SNTG1: variants seen among roughly 807,000 people sequenced by gnomAD.
The protein encoded by SNTG1 is syntrophin gamma 1.
A neutral mutation model predicts 74.7 loss-of-function variants in SNTG1; 39 were observed. That is an observed-to-expected ratio of 0.52 (90% CI 0.40 to 0.68). The LOEUF is 0.68. Ranked by LOEUF, SNTG1 falls within the 30% of genes least tolerant of loss-of-function variation. The pLI, the probability that SNTG1 is intolerant of heterozygous loss-of-function variation, is 0.00. For missense variants in SNTG1, 685 were observed against 609.5 expected (o/e 1.12, Z -1.30); for synonymous variants, 254 against 217.1 (o/e 1.17, Z -1.49).
At chr8:50,660,212 AAAGAAAAG>A (rs918117633) in intron 15 of SNTG1, among the ~76,000 whole-genome samples, 6 of 151,128 alleles carry the variant, frequency 4.0e-5, no homozygotes, top group Admixed American at 1.3e-4. Flanking sequence ...AAAAGAAGGA[AAAGAAAAG>A]AAGAAAAGAA....
At chr8:50,771,022 A>G (rs2095625802) in intron 18 of SNTG1, among the ~76,000 whole-genome samples, 1 of 152,148 alleles carries the variant, frequency 6.6e-6, no homozygotes, top group South Asian at 2.1e-4. Context: ...AGTCTCAAGT[A>G]TGCTGTTATA....
chr8:50,665,167 C>T (rs943109081), intron 15 of SNTG1, among the ~76,000 whole-genome samples: 1 of 151,870 alleles, frequency 6.6e-6, no homozygotes, highest in African/African-American at 2.4e-5. Context: ...AAGGAGAAAA[C>T]ATGCTTGGCA....
intron 2 of SNTG1, among the ~76,000 whole-genome samples, chr8:50,378,489 T>C (rs1473769535): frequency 6.6e-6 from 1 of 152,086 alleles, no homozygotes; most frequent in Non-Finnish European, 1.5e-5. Context: ...TGATAGATCC[T>C]GAGTTCTTGT....
intron 13 of SNTG1, among the ~76,000 whole-genome samples, chr8:50,623,619 C>A (rs1210024966): frequency 6.6e-6 from 1 of 152,106 alleles, no homozygotes; most frequent in East Asian, 1.9e-4. Flanking sequence ...TTCTTCACAT[C>A]AATTTTAACA....
intron 2 of SNTG1, among the ~76,000 whole-genome samples, chr8:50,380,053 C>T (rs1294481469): frequency 6.6e-6 from 1 of 152,210 alleles, no homozygotes. Flanking sequence ...ATTTTGAAAT[C>T]ACCTCGGGAC....
chr8:50,392,738 A>G (rs746759323), intron 2 of SNTG1, among the ~76,000 whole-genome samples: 2 of 152,196 alleles, frequency 1.3e-5, no homozygotes, highest in Non-Finnish European at 2.9e-5. Flanking sequence ...GAAGATTAGA[A>G]TTGAAAAAAG....
chr8:50,300,715 T>A (rs1380034351), intron 2 of SNTG1, among the ~76,000 whole-genome samples: 2 of 152,152 alleles, frequency 1.3e-5, no homozygotes, highest in Non-Finnish European at 2.9e-5. Flanking sequence ...TGGTACCATT[T>A]CCTTTTAGCC....
chr8:50,626,938 AT>A (rs931103584), intron 13 of SNTG1, among the ~76,000 whole-genome samples: 6 of 152,146 alleles, frequency 3.9e-5, no homozygotes, highest in African/African-American at 1.4e-4. Context: ...TGTGGAAAAA[AT>A]ATATATATAT....
At chr8:49,964,119 CAT>C (rs1810936157) in intron 1 of SNTG1, among the ~76,000 whole-genome samples, 1 of 152,156 alleles carries the variant, frequency 6.6e-6, no homozygotes, top group African/African-American at 2.4e-5. Flanking sequence ...TTTGGTTAAA[CAT>C]TATTCTAGAT....
At chr8:50,632,690 C>T (rs2095009913) in intron 13 of SNTG1, among the ~76,000 whole-genome samples, 1 of 152,094 alleles carries the variant, frequency 6.6e-6, no homozygotes, top group Non-Finnish European at 1.5e-5. Context: ...ATAAGTAAAA[C>T]AAGTAAATCA....
At chr8:50,022,389 G>C (rs964736136) in intron 1 of SNTG1, among the ~76,000 whole-genome samples, 18 of 152,210 alleles carry the variant, frequency 1.2e-4, no homozygotes, top group Non-Finnish European at 2.2e-4. Flanking sequence ...CTAGACTGGA[G>C]TCCGATGCTG....
At chr8:50,701,727 CTTCTTT>C (rs1403803132) in intron 15 of SNTG1, among the ~76,000 whole-genome samples, 22 of 112,704 alleles carry the variant, frequency 2.0e-4, no homozygotes, top group South Asian at 1.2e-3. Flanking sequence ...TCTTTTTCTT[CTTCTTT>C]TTCTTTTTCT....
intron 12 of SNTG1, among the ~76,000 whole-genome samples, chr8:50,576,290 A>G (rs1205171201): frequency 6.6e-6 from 1 of 152,154 alleles, no homozygotes; most frequent in East Asian, 1.9e-4. Flanking sequence ...ATTTGAACAT[A>G]TATGAGGGCT....
At chr8:50,242,367 A>G (rs2086200930) in intron 2 of SNTG1, among the ~76,000 whole-genome samples, 1 of 151,716 alleles carries the variant, frequency 6.6e-6, no homozygotes, top group Non-Finnish European at 1.5e-5. Context: ...CATCTCTACT[A>G]ACATAGAAAA....
At chr8:50,109,666 G>C (rs2080506920) in intron 1 of SNTG1, among the ~76,000 whole-genome samples, 3 of 152,176 alleles carry the variant, frequency 2.0e-5, no homozygotes, top group Admixed American at 6.6e-5. Context: ...TTATCAGGAA[G>C]GGGGAGATCC....
chr8:50,552,567 G>T (rs1200255644), intron 11 of SNTG1, among the ~76,000 whole-genome samples: 1 of 152,126 alleles, frequency 6.6e-6, no homozygotes, highest in Non-Finnish European at 1.5e-5. Context: ...GGAGAACAAT[G>T]GACAAAGTGC....
intron 1 of SNTG1, among the ~76,000 whole-genome samples, chr8:49,969,387 CTTTTTTTT>C (rs575026898): frequency 2.1e-4 from 10 of 47,192 alleles, no homozygotes; most frequent in Non-Finnish European, 3.5e-4. Flanking sequence ...TTCATTTAAT[CTTTTTTTT>C]TTTTTTTTTT....
In SNTG1 at chr8:50,105,661, C is replaced by T. The variant is rs182290099; in HGVS notation, c.-102-66900C>T. On this transcript the variant is annotated intron_variant, in intron 1 of 18. Coordinates refer to ENST00000642720, the MANE Select transcript of SNTG1 (RefSeq NM_018967.5). Reference sequence around the variant, plus strand: ...TTTGACAGCATCAATTCTTCCTATTCATGAGCATGGGATATTTTTCTAGTT... The same window carrying T: ...TTTGACAGCATCAATTCTTCCTATTTATGAGCATGGGATATTTTTCTAGTT... Among the ~76,000 whole-genome samples the T allele has an allele frequency of 2.6e-5, 4 of 152,108 alleles. No individual in the cohort carries two copies. In the East Asian group the frequency reaches 7.7e-4, roughly 29 times the overall value.
At chr8:50,387,935 C>T (rs553402542) in intron 2 of SNTG1, among the ~76,000 whole-genome samples, 9 of 152,162 alleles carry the variant, frequency 5.9e-5, no homozygotes, top group Non-Finnish European at 1.2e-4. Context: ...TCACTGAGCT[C>T]AGCTTCATCA....
Sources: allele counts gnomAD v4.1 joint callset (sites outside exome capture counted in the v4.1 genomes callset), GRCh38; gene constraint gnomAD v4.1.1; transcripts MANE v1.5; gene names NCBI Gene and HGNC (gene_info 2026-07-23, HGNC 2026-07-21).